Variants in STPG4 observed in about 807,000 individuals in gnomAD.
The protein encoded by STPG4 is protein STPG4.
A neutral mutation model predicts 31.5 loss-of-function variants in STPG4; 41 were observed. The ratio of observed to expected loss-of-function variants is 1.30; its 90% CI spans 1.01 to 1.69. The LOEUF is 1.69. STPG4 is among the 40% of genes most tolerant of loss of function. STPG4 has a pLI of 0.00. For missense variants in STPG4, 375 were observed against 293.4 expected, an observed-to-expected ratio of 1.28 and a Z score of -2.03; for synonymous variants, 141 against 103.0, an observed-to-expected ratio of 1.37 and a Z score of -2.24.
chr2:47,090,930 G>C (rs1170623454), intron 5 of STPG4, among the ~76,000 whole-genome samples: 1 of 152,154 alleles, frequency 6.6e-6, no homozygotes, highest in Non-Finnish European at 1.5e-5. Context: ...ATTAGCAACA[G>C]GCCATTCATG....
At chr2:47,117,462 G>A (rs1461727090) in intron 5 of STPG4, among the ~76,000 whole-genome samples, 3 of 152,146 alleles carry the variant, frequency 2.0e-5, no homozygotes. Context: ...GCCTGCCTCG[G>A]CCTCCTAAAG....
rs914592130 is a variant in STPG4, at chr2:47,097,553, G to A, written c.520-7179C>T. Among the ~76,000 whole-genome samples, 24 of 152,220 alleles carry A rather than the reference G, an allele frequency of 1.6e-4. 1 individual carries two copies. Among genetic ancestry groups the A allele is most frequent in the Admixed American group, 1.2e-3 (18 of 15,302 alleles). ...TCTGCCTTCCTCAGACAGGAAGGAT[G>A]CTGCTTTCTAGCTGCATCCTCTTAT... is the stretch of plus-strand genomic sequence containing the variant. On this transcript the variant is annotated intron_variant, in intron 5 of 6. Coordinates refer to ENST00000445927, the MANE Select transcript of STPG4 (RefSeq NM_001163561.2).
intron 5 of STPG4, among the ~76,000 whole-genome samples, chr2:47,112,971 G>A (rs375049566): frequency 1.3e-4 from 17 of 127,984 alleles, no homozygotes; most frequent in South Asian, 2.8e-4. Flanking sequence ...CAGCCTGGGC[G>A]ACAGAGCAAG....
Position 47,151,474 on chromosome 2 carries a change from A to C in STPG4, c.183T>G (p.Ile61Met), listed in dbSNP as rs752743006. 13 of 1,613,916 alleles carry C rather than the reference A, an allele frequency of 8.1e-6. No individual in the cohort carries two copies. The highest frequency in any genetic ancestry group is 3.3e-4 in the Middle Eastern group (2 of 6,082). Residue 61 changes from isoleucine (I) to methionine (M), a missense_variant, in exon 3 of 7, where the codon ATT becomes ATG. Transcript: ENST00000445927. ...TCACTGGATTTAATAGGGATTCTTC[A>C]ATAAAAGTTTTCAAGTGGTAAGTGC... ...IPGTYHLKTF[I>M]EESLLNPVIA... is the part of the protein sequence containing the mutation.
At chr2:47,125,302 A>C (rs1230550549) in intron 5 of STPG4, among the ~76,000 whole-genome samples, 5 of 152,072 alleles carry the variant, frequency 3.3e-5, no homozygotes, top group Non-Finnish European at 5.9e-5. Flanking sequence ...TGCACCTGTA[A>C]TCCCAGCTAC....
chr2:47,142,368 C>A (rs964209611), intron 3 of STPG4, among the ~76,000 whole-genome samples: 5 of 151,998 alleles, frequency 3.3e-5, no homozygotes, highest in African/African-American at 9.7e-5. Flanking sequence ...CTAAAGCTAA[C>A]CTTTAAATTG....
At chr2:47,143,765 G>A (rs1307629155) in intron 3 of STPG4, among the ~76,000 whole-genome samples, 1 of 152,124 alleles carries the variant, frequency 6.6e-6, no homozygotes, top group Non-Finnish European at 1.5e-5. Flanking sequence ...TGGGATTACA[G>A]GTGTGAGCCA....
rs1686892849 is a variant in STPG4 at position 47,149,319 on chromosome 2, A to G, written c.399+1939T>C. ...CCATCCTTGTACGTTTTCTCCTTTCAACACTGGGCCTTTGGCTGATTTTCA... is the reference window on the plus strand; with the variant it reads ...CCATCCTTGTACGTTTTCTCCTTTCGACACTGGGCCTTTGGCTGATTTTCA... On this transcript the variant is annotated intron_variant, in intron 3 of 6. Coordinates refer to ENST00000445927, the MANE Select transcript of STPG4 (RefSeq NM_001163561.2). Among the ~76,000 whole-genome samples the G allele has an allele frequency of 2.6e-5, 4 of 152,210 alleles. No individual in the cohort carries two copies. In the South Asian group the frequency reaches 8.3e-4, roughly 32 times the overall value.
intron 5 of STPG4, among the ~76,000 whole-genome samples, chr2:47,100,590 A>G (rs1422358703): frequency 6.6e-6 from 1 of 150,646 alleles, no homozygotes; most frequent in Non-Finnish European, 1.5e-5. Context: ...CCCCTTCCAC[A>G]CTGTGGAAGC....
At position 47,129,930 on chromosome 2, in the gene STPG4, A is replaced by T; in HGVS notation, c.519+11T>A. On this transcript the variant is annotated intron_variant, in intron 5 of 6. Transcript: ENST00000445927. ...AATTCATCATGAGTTAACTGTCTAC[A>T]TTATACTTACGGGAATAAAATAGGT... 6.2e-7 allele frequency: 1 copy of T among 1,612,412 alleles called. No individual in the cohort carries two copies. The highest frequency in any genetic ancestry group is 2.2e-5 in the East Asian group (1 of 44,876).
chr2:47,124,065 C>T (rs1232844716), intron 5 of STPG4, among the ~76,000 whole-genome samples: 1 of 152,096 alleles, frequency 6.6e-6, no homozygotes, highest in Non-Finnish European at 1.5e-5. Context: ...TCACTGCAAC[C>T]TCTGCCTCCC....
At chr2:47,147,482 A>G (rs899465641) in intron 3 of STPG4, among the ~76,000 whole-genome samples, 7 of 152,170 alleles carry the variant, frequency 4.6e-5, no homozygotes, top group African/African-American at 1.7e-4. Context: ...GAATGGAAAA[A>G]TTGTTAGGGT....
rs774287192 is a variant in STPG4, at chr2:47,090,332, G to C, written c.562C>G (p.Pro188Ala). ...GPGHYNVKMP[P>A]TSSVTSCFQS... The stretch of plus-strand genomic sequence containing the variant: ...AAACAAGAAGTGACAGAGCTTGTTG[G>C]AGGCATTTTCACATTATAATGACCT... The change falls in exon 6 of 7, where the codon CCA becomes GCA. Residue 188 changes from proline (P) to alanine (A), a missense_variant. Transcript: ENST00000445927. 1.3e-6 allele frequency: 2 copies of C among 1,551,966 alleles called. No individual in the cohort carries two copies. The highest frequency in any genetic ancestry group is 1.4e-5 in the African/African-American group (1 of 73,036).
intron 5 of STPG4, among the ~76,000 whole-genome samples, chr2:47,111,629 T>A (rs899063960): frequency 6.6e-5 from 10 of 152,218 alleles, no homozygotes; most frequent in Admixed American, 2.6e-4. Context: ...TAAAAGTGAA[T>A]GGTGTCTGGT....
chr2:47,103,697 TG>T (rs2103743496), intron 5 of STPG4, among the ~76,000 whole-genome samples: 1 of 152,078 alleles, frequency 6.6e-6, no homozygotes, highest in African/African-American at 2.4e-5. Context: ...AGGCAATCAC[TG>T]GAAGGTGCAC....
At chr2:47,120,868 G>A (rs1452857334) in intron 5 of STPG4, 2 of 152,024 alleles carry the variant, frequency 1.3e-5, no homozygotes, top group Admixed American at 6.6e-5. Flanking sequence ...CCCTAAGAGG[G>A]GGTTCCTGTT....
At chr2:47,094,377 A>G (rs1685630316) in intron 5 of STPG4, among the ~76,000 whole-genome samples, 1 of 152,208 alleles carries the variant, frequency 6.6e-6, no homozygotes, top group African/African-American at 2.4e-5. Context: ...GAACCTTTAC[A>G]GTATCTATTC....
chr2:47,118,787 A>T (rs1686204596), intron 5 of STPG4, among the ~76,000 whole-genome samples: 1 of 152,232 alleles, frequency 6.6e-6, no homozygotes, highest in Admixed American at 6.5e-5. Flanking sequence ...GAGACAGTCT[A>T]TGTCAGTCAC....
At chr2:47,088,549 G>C (rs1046634203) in intron 6 of STPG4, among the ~76,000 whole-genome samples, 1 of 152,210 alleles carries the variant, frequency 6.6e-6, no homozygotes. Context: ...CCTCTAGGGG[G>C]CTATGAGGCT....
Sources: allele counts gnomAD v4.1 joint callset (sites outside exome capture counted in the v4.1 genomes callset), GRCh38; gene constraint gnomAD v4.1.1; transcripts MANE v1.5; gene names NCBI Gene and HGNC (gene_info 2026-07-23, HGNC 2026-07-21).